Variants in LYRM4 observed in about 807,000 individuals in gnomAD.
The protein encoded by LYRM4 is LYR motif-containing protein 4.
In LYRM4, 9 loss-of-function variants were observed where a neutral mutation model predicts 11.7. The ratio of observed to expected loss-of-function variants is 0.77; its 90% CI spans 0.46 to 1.34. The LOEUF is 1.34. Ranked by LOEUF, LYRM4 falls within the 40% of genes most tolerant of loss-of-function variation. LYRM4 has a pLI of 0.00. For synonymous variants in LYRM4, 42 were observed against 40.4 expected, an observed-to-expected ratio of 1.04 and a Z score of -0.15; for missense variants, 133 against 112.5, an observed-to-expected ratio of 1.18 and a Z score of -0.82.
At chr6:5,195,325 A>T (rs1205578940) in intron 2 of LYRM4, among the ~76,000 whole-genome samples, 1 of 152,108 alleles carries the variant, frequency 6.6e-6, no homozygotes, top group Non-Finnish European at 1.5e-5. Context: ...ACCCCACAGT[A>T]TCAGGCCGGG....
At chr6:5,128,796 CA>C (rs1763810993) in intron 2 of LYRM4, among the ~76,000 whole-genome samples, 1 of 152,196 alleles carries the variant, frequency 6.6e-6, no homozygotes, top group East Asian at 1.9e-4. Flanking sequence ...CTTTTATTTA[CA>C]TTTTTTTGTG....
At chr6:5,174,498 G>GA (rs1381621885) in intron 2 of LYRM4, among the ~76,000 whole-genome samples, 3 of 152,140 alleles carry the variant, frequency 2.0e-5, no homozygotes, top group Admixed American at 2.0e-4. Context: ...AAAATGAAAG[G>GA]GGAGAGTACT....
In LYRM4 at chr6:5,160,733, T is replaced by C. The variant is rs78553558; in HGVS notation, c.208-51242A>G. ...TTACTCAGTCTTGGGCATGTCTTTA[T>C]TATGAAAATGAACTAATACACCAGG... On this transcript the variant is annotated intron_variant, in intron 2 of 2. Transcript: ENST00000330636. Among the ~76,000 whole-genome samples the C allele has an allele frequency of 7.6e-3, 1,159 of 152,208 alleles. 12 individuals carry two copies. The highest frequency in any genetic ancestry group is 0.044 in the South Asian group (211 of 4,814).
chr6:5,248,070 G>C (rs1764272347), intron 1 of LYRM4, among the ~76,000 whole-genome samples: 1 of 152,130 alleles, frequency 6.6e-6, no homozygotes. Context: ...TGTACACAAA[G>C]GTACTCAAGA....
intron 2 of LYRM4, among the ~76,000 whole-genome samples, chr6:5,162,468 C>CA (rs1453113792): frequency 2.0e-5 from 3 of 149,096 alleles, no homozygotes; most frequent in Non-Finnish European, 4.4e-5. Flanking sequence ...GTGATGTCTA[C>CA]AGCTCAGAGA....
At chr6:5,191,338 G>A (rs1760740672) in intron 2 of LYRM4, among the ~76,000 whole-genome samples, 1 of 152,178 alleles carries the variant, frequency 6.6e-6, no homozygotes, top group South Asian at 2.1e-4. Context: ...GTGGATGATT[G>A]TCACAGGCAG....
chr6:5,198,647 T>C (rs1467705293), intron 2 of LYRM4, among the ~76,000 whole-genome samples: 1 of 152,178 alleles, frequency 6.6e-6, no homozygotes, highest in South Asian at 2.1e-4. Flanking sequence ...TGCCCAGTAA[T>C]ACCCATCTCT....
At chr6:5,167,647 G>C (rs1759165074) in intron 2 of LYRM4, among the ~76,000 whole-genome samples, 1 of 152,104 alleles carries the variant, frequency 6.6e-6, no homozygotes, top group South Asian at 2.1e-4. Flanking sequence ...TTCTTCTCCT[G>C]TCAAGAAGGA....
At chr6:5,086,110 G>T in the LYRM4 span, 1 of 1,460,604 alleles carries the variant, frequency 6.8e-7, no homozygotes, top group Non-Finnish European at 9.0e-7. Flanking sequence ...GCCGAGCGCC[G>T]CGGCCGAGCG....
chr6:5,076,903 G>A, the LYRM4 span, among the ~76,000 whole-genome samples: 6 of 152,300 alleles, frequency 3.9e-5, no homozygotes, highest in East Asian at 9.7e-4. Context: ...ACCTCTGACA[G>A]TAGCAGGGTG....
chr6:5,086,430 A>G, the LYRM4 span: 1 of 1,536,532 alleles, frequency 6.5e-7, no homozygotes, highest in Non-Finnish European at 8.7e-7. Flanking sequence ...CTGAGGACGA[A>G]GAGGACGCCG....
At chr6:5,083,038 C>T in the LYRM4 span, among the ~76,000 whole-genome samples, 3 of 152,152 alleles carry the variant, frequency 2.0e-5, no homozygotes, top group Non-Finnish European at 4.4e-5. Flanking sequence ...CTGAGAGCTC[C>T]CCGGGGGTGG....
intron 2 of LYRM4, among the ~76,000 whole-genome samples, chr6:5,124,599 C>G (rs572202529): frequency 1.3e-5 from 2 of 152,122 alleles, no homozygotes; most frequent in Admixed American, 1.3e-4. Flanking sequence ...AGATGGGATT[C>G]GACTTCAATC....
intron 2 of LYRM4, among the ~76,000 whole-genome samples, chr6:5,202,228 G>C (rs948321777): frequency 2.0e-5 from 3 of 152,216 alleles, no homozygotes; most frequent in African/African-American, 7.2e-5. Context: ...TGTATTTTCA[G>C]CATGTCTGAA....
the LYRM4 span, chr6:5,085,899 G>A: frequency 6.5e-7 from 1 of 1,531,908 alleles, no homozygotes; most frequent in Non-Finnish European, 8.7e-7. Context: ...CGGACACGCT[G>A]GGGCTAAGCC....
chr6:5,207,110 T>C (rs966101530), intron 2 of LYRM4, among the ~76,000 whole-genome samples: 1 of 152,196 alleles, frequency 6.6e-6, no homozygotes, highest in Admixed American at 6.5e-5. Flanking sequence ...TAAATTTAGG[T>C]GTACCTTGCT....
At chr6:5,106,258 G>C (rs1364236134), downstream of LYRM4, 1 of 152,380 alleles carries the variant, frequency 6.6e-6, no homozygotes, top group Non-Finnish European at 1.5e-5. Flanking sequence ...CCTGGCACCT[G>C]GCACTAGGTG....
At chr6:5,079,211 GA>G in the LYRM4 span, among the ~76,000 whole-genome samples, 3 of 152,098 alleles carry the variant, frequency 2.0e-5, no homozygotes, top group African/African-American at 7.2e-5. Flanking sequence ...TAAAACAAAG[GA>G]AAAAGGGGTT....
intron 2 of LYRM4, among the ~76,000 whole-genome samples, chr6:5,167,522 C>T (rs1191716817): frequency 2.1e-4 from 32 of 152,240 alleles, no homozygotes; most frequent in Admixed American, 2.1e-3. Context: ...TTAACAGCAA[C>T]TCCTTTTATA....
Sources: gnomAD v4.1 joint callset for allele counts (sites outside exome capture counted in the v4.1 genomes callset) on GRCh38, gnomAD v4.1.1 for gene constraint, MANE v1.5 for transcripts, NCBI Gene and HGNC (gene_info 2026-07-23, HGNC 2026-07-21) for gene names.